The following ERC2 variants were observed in gnomAD, a reference collection of about 807,000 sequenced individuals.
The protein encoded by ERC2 is ERC protein 2.
Under a neutral mutation model 114.8 loss-of-function variants are expected in ERC2, and 42 were observed. The ratio of observed to expected loss-of-function variants is 0.37; its 90% CI spans 0.29 to 0.47. ERC2 has a LOEUF of 0.47. Among genes scored for constraint, ERC2 ranks in the 20% least tolerant of loss-of-function variants. The pLI is 0.99. For missense variants in ERC2, 939 were observed against 1,150.7 expected, an observed-to-expected ratio of 0.82 and a Z score of 2.66; for synonymous variants, 454 against 425.5, an observed-to-expected ratio of 1.07 and a Z score of -0.82.
At chr3:55,836,453 A>G (rs960156866) in intron 14 of ERC2, among the ~76,000 whole-genome samples, 1 of 152,238 alleles carries the variant, frequency 6.6e-6, no homozygotes, top group Non-Finnish European at 1.5e-5. Context: ...AATGCCGCTT[A>G]TCTACAATTA....
chr3:56,015,485 G>C (rs2073243785), intron 8 of ERC2, among the ~76,000 whole-genome samples: 1 of 151,588 alleles, frequency 6.6e-6, no homozygotes, highest in African/African-American at 2.4e-5. Flanking sequence ...TCCTGCATTA[G>C]TTTGCTGAGG....
intron 17 of ERC2, among the ~76,000 whole-genome samples, chr3:55,594,478 G>GTTA (rs1276709705): frequency 5.0e-4 from 76 of 151,084 alleles, no homozygotes; most frequent in African/African-American, 1.6e-3. Flanking sequence ...TAGTTTTATT[G>GTTA]TTATTATTAT....
chr3:55,986,090 T>C (rs2149514203), intron 11 of ERC2, 102 bp from the exon 12 acceptor site: 1 of 1,095,800 alleles, frequency 9.1e-7, no homozygotes, highest in East Asian at 2.6e-5. Flanking sequence ...GTTTTAAACA[T>C]ATAGCCAACA....
chr3:55,565,182 A>T (rs948201218), intron 17 of ERC2, among the ~76,000 whole-genome samples: 1 of 152,254 alleles, frequency 6.6e-6, no homozygotes, highest in African/African-American at 2.4e-5. Flanking sequence ...GAAGTTTCAC[A>T]ATTATTTTAG....
intron 17 of ERC2, among the ~76,000 whole-genome samples, chr3:55,575,709 T>C (rs542978903): frequency 2.6e-5 from 4 of 152,208 alleles, no homozygotes; most frequent in African/African-American, 9.6e-5. Flanking sequence ...CCAGCTCCAC[T>C]AGTGGCTCAG....
chr3:56,139,939 T>C (rs999124777), intron 5 of ERC2, among the ~76,000 whole-genome samples: 10 of 152,072 alleles, frequency 6.6e-5, no homozygotes, highest in African/African-American at 2.4e-4. Context: ...GGACCAAATT[T>C]CACAATGGAA....
chr3:56,278,900 C>CA (rs2054175993), intron 3 of ERC2, among the ~76,000 whole-genome samples: 2 of 152,270 alleles, frequency 1.3e-5, no homozygotes, highest in African/African-American at 4.8e-5. Flanking sequence ...CCCTCATGAC[C>CA]CAAACACTTC....
intron 15 of ERC2, among the ~76,000 whole-genome samples, chr3:55,703,895 T>G (rs1403524704): frequency 6.6e-6 from 1 of 152,224 alleles, no homozygotes; most frequent in Non-Finnish European, 1.5e-5. Context: ...GAATTGGTCT[T>G]CTTCAAGAAA....
At chr3:56,004,282 G>A (rs2072300471) in intron 10 of ERC2, among the ~76,000 whole-genome samples, 2 of 151,984 alleles carry the variant, frequency 1.3e-5, no homozygotes, top group South Asian at 4.1e-4. Flanking sequence ...CAACTCTTGG[G>A]TGTCTACTTA....
intron 17 of ERC2, among the ~76,000 whole-genome samples, chr3:55,530,337 C>T (rs2053588129): frequency 6.6e-6 from 1 of 152,178 alleles, no homozygotes; most frequent in Non-Finnish European, 1.5e-5. Context: ...GGCAGGAAAG[C>T]AGTCACAGAC....
chr3:55,984,427 G>A (rs534766422), intron 12 of ERC2, among the ~76,000 whole-genome samples: 1 of 152,192 alleles, frequency 6.6e-6, no homozygotes, highest in Admixed American at 6.5e-5. Flanking sequence ...GATCTCAAGT[G>A]CTTCAATATT....
At position 56,069,765 on chromosome 3, in the gene ERC2, A is replaced by C. The variant is rs558705244; in HGVS notation, c.1641+11052T>G. Among the ~76,000 whole-genome samples, 6 of 152,336 alleles carry C rather than the reference A, an allele frequency of 3.9e-5. No individual in the cohort carries two copies. The South Asian group carries it at 1.2e-3, about 32-fold the overall frequency. The stretch of plus-strand genomic sequence containing the variant: ...GCTACTGCTGGTTCTCAAAATCAGC[A>C]ATCTAAAAAGGAGGTATGATAAAAA... On this transcript the variant is annotated intron_variant, in intron 7 of 17. Coordinates refer to ENST00000288221, the MANE Select transcript of ERC2 (RefSeq NM_015576.3).
intron 3 of ERC2, among the ~76,000 whole-genome samples, chr3:56,254,576 T>C (rs1409012703): frequency 6.6e-6 from 1 of 152,214 alleles, no homozygotes; most frequent in African/African-American, 2.4e-5. Flanking sequence ...GTTGCACATT[T>C]GCACAATCAT....
At chr3:56,169,068 C>T (rs951852467) in intron 4 of ERC2, among the ~76,000 whole-genome samples, 2 of 152,202 alleles carry the variant, frequency 1.3e-5, no homozygotes, top group South Asian at 4.1e-4. Flanking sequence ...ATCCCCACTT[C>T]AATTACCACA....
At chr3:55,685,353 CA>C (rs2062272176) in intron 16 of ERC2, among the ~76,000 whole-genome samples, 4 of 152,312 alleles carry the variant, frequency 2.6e-5, no homozygotes, top group South Asian at 2.1e-4. Flanking sequence ...AACAATAAAA[CA>C]CATTGATCAT....
chr3:55,667,733 G>T (rs1009139712), intron 17 of ERC2, among the ~76,000 whole-genome samples: 3 of 152,220 alleles, frequency 2.0e-5, no homozygotes, highest in African/African-American at 7.2e-5. Flanking sequence ...CAGGAGGCGT[G>T]TGCTATTATT....
At chr3:56,327,011 C>A (rs1015052048) in intron 2 of ERC2, among the ~76,000 whole-genome samples, 1 of 152,216 alleles carries the variant, frequency 6.6e-6, no homozygotes, top group Non-Finnish European at 1.5e-5. Context: ...TGATGCCTGC[C>A]TGGGAGGCCA....
chr3:55,737,030 G>A (rs1251951950), intron 14 of ERC2, among the ~76,000 whole-genome samples: 1 of 152,108 alleles, frequency 6.6e-6, no homozygotes, highest in African/African-American at 2.4e-5. Flanking sequence ...TCCACATTGG[G>A]AACTTCCCTC....
chr3:55,534,969 G>T (rs942634660), intron 17 of ERC2, among the ~76,000 whole-genome samples: 2 of 152,190 alleles, frequency 1.3e-5, no homozygotes, highest in Non-Finnish European at 2.9e-5. Flanking sequence ...AAAGAATCCA[G>T]TGGCTGAAGT....
Sources: allele counts gnomAD v4.1 joint callset (sites outside exome capture counted in the v4.1 genomes callset), GRCh38; gene constraint gnomAD v4.1.1; transcripts MANE v1.5; gene names NCBI Gene and HGNC (gene_info 2026-07-23, HGNC 2026-07-21).